Variants in EPC1 observed in about 807,000 individuals in gnomAD.
EPC1 encodes the protein enhancer of polycomb homolog 1.
A neutral mutation model predicts 98.4 loss-of-function variants in EPC1; 12 were observed. The ratio of observed to expected loss-of-function variants is 0.12; its 90% CI spans 0.08 to 0.20. EPC1 has a LOEUF of 0.20. EPC1 is among the 10% of genes least tolerant of loss of function. The pLI is 1.00. For missense variants in EPC1, 729 were observed against 990.5 expected, an observed-to-expected ratio of 0.74 and a Z score of 3.54; for synonymous variants, 357 against 363.9, an observed-to-expected ratio of 0.98 and a Z score of 0.21.
At chr10:32,350,273 G>A (rs1045646596), upstream of EPC1, among the ~76,000 whole-genome samples, 12 of 152,106 alleles carry the variant, frequency 7.9e-5, no homozygotes, top group African/African-American at 2.9e-4. Flanking sequence ...TCATTGTAGG[G>A]GATACAAATA....
At chr10:32,377,659 GGGA>G (rs1401371656) in intron 1 of EPC1, among the ~76,000 whole-genome samples, 2 of 152,038 alleles carry the variant, frequency 1.3e-5, no homozygotes, top group African/African-American at 4.8e-5. Flanking sequence ...AGAAAATAAA[GGGA>G]GAAGAGAATA....
chr10:32,346,391 T>TCGC (rs1838811181), intron 1 of EPC1: 1 of 182,620 alleles, frequency 5.5e-6, no homozygotes, highest in Non-Finnish European at 1.2e-5. Context: ...GGCTCCCGAC[T>TCGC]CGCCGCACCC....
At chr10:32,270,600 T>G (rs1197751910) in intron 13 of EPC1, among the ~76,000 whole-genome samples, 9 of 152,030 alleles carry the variant, frequency 5.9e-5, no homozygotes, top group Non-Finnish European at 5.9e-5. Context: ...CAAGGCAGGC[T>G]GACCACCTGA....
chr10:32,289,743 C>T (rs1836893082), intron 6 of EPC1, among the ~76,000 whole-genome samples: 1 of 151,888 alleles, frequency 6.6e-6, no homozygotes, highest in African/African-American at 2.4e-5. Context: ...CCTGCCTCAG[C>T]CTCTGAAGCA....
At chr10:32,367,198 C>T (rs969804379) in intron 1 of EPC1, among the ~76,000 whole-genome samples, 1 of 152,078 alleles carries the variant, frequency 6.6e-6, no homozygotes, top group Non-Finnish European at 1.5e-5. Context: ...GCCATGTTGG[C>T]CAGGCTGGTC....
intron 1 of EPC1, among the ~76,000 whole-genome samples, chr10:32,309,721 C>T (rs931559104): frequency 6.7e-6 from 1 of 148,482 alleles, no homozygotes; most frequent in African/African-American, 2.5e-5. Context: ...AGAAGAAGAA[C>T]AATGTAGCCT....
intron 1 of EPC1, among the ~76,000 whole-genome samples, chr10:32,357,195 T>C (rs1273802545): frequency 6.6e-6 from 1 of 152,162 alleles, no homozygotes; most frequent in Non-Finnish European, 1.5e-5. Context: ...CTTCCAGAGT[T>C]AAAGCTGTAG....
At chr10:32,348,475 T>G (rs755436451), upstream of EPC1, among the ~76,000 whole-genome samples, 1 of 152,224 alleles carries the variant, frequency 6.6e-6, no homozygotes, top group African/African-American at 2.4e-5. Flanking sequence ...GGGCTTGATA[T>G]GAGCTGTCAC....
rs1835672460 is a variant in EPC1, at chr10:32,268,144, T to A, written c.*919A>T. On this transcript the variant is annotated 3_prime_UTR_variant, in exon 14 of 14. Transcript: ENST00000319778. ...CAATTCGACAATAAAAAAGTACAATTTTTTTTGTGCTAAAAAAAGGGCAAG... is the reference window on the plus strand; with the variant it reads ...CAATTCGACAATAAAAAAGTACAATATTTTTTGTGCTAAAAAAAGGGCAAG... The A allele has an allele frequency of 6.6e-6, 1 of 152,158 alleles. No homozygotes were observed. Among genetic ancestry groups the A allele is most frequent in the Non-Finnish European group, 1.5e-5 (1 of 68,032 alleles). 9.4% of individuals were successfully genotyped at this position (152,158 alleles called of 1,614,324 possible).
chr10:32,306,781 C>T (rs1459053876), intron 1 of EPC1, among the ~76,000 whole-genome samples: 1 of 151,998 alleles, frequency 6.6e-6, no homozygotes, highest in Non-Finnish European at 1.5e-5. Flanking sequence ...TGTGATACTA[C>T]CAACTGCCAT....
At chr10:32,316,254 G>A (rs1323251581) in intron 1 of EPC1, among the ~76,000 whole-genome samples, 1 of 152,178 alleles carries the variant, frequency 6.6e-6, no homozygotes, top group African/African-American at 2.4e-5. Context: ...GGTTAGTGAG[G>A]AAAGGCCGAT....
chr10:32,308,760 G>A (rs771912094), intron 1 of EPC1, among the ~76,000 whole-genome samples: 11 of 152,076 alleles, frequency 7.2e-5, no homozygotes, highest in African/African-American at 1.4e-4. Context: ...ACTACCATAC[G>A]ATTCAGCAAT....
In EPC1 at chr10:32,309,315, T is replaced by G. The variant is rs1836061218; in HGVS notation, c.154-3384A>C. On this transcript the variant is annotated intron_variant, in intron 1 of 13. Coordinates refer to ENST00000319778, the MANE Select transcript of EPC1 (RefSeq NM_001272004.3). Reference sequence around the variant, plus strand: ...CCTAAGACAAAGAAATGATAAATGCTGAAGTGATGTATGTCCCCATCACCC... The same window carrying G: ...CCTAAGACAAAGAAATGATAAATGCGGAAGTGATGTATGTCCCCATCACCC... Among the ~76,000 whole-genome samples, 3 of 152,156 alleles carry G rather than the reference T, an allele frequency of 2.0e-5. No individual in the cohort carries two copies. The South Asian group carries it at 6.2e-4, about 31-fold the overall frequency.
At chr10:32,275,424 G>C (rs2132650930) in intron 10 of EPC1, among the ~76,000 whole-genome samples, 1 of 152,264 alleles carries the variant, frequency 6.6e-6, no homozygotes, top group Middle Eastern at 3.4e-3. Flanking sequence ...ACGAGGTCAG[G>C]AGTTCGAGAC....
At chr10:32,365,014 C>A (rs1371843746) in intron 1 of EPC1, among the ~76,000 whole-genome samples, 1 of 151,624 alleles carries the variant, frequency 6.6e-6, no homozygotes, top group African/African-American at 2.4e-5. Context: ...AGATTGGATA[C>A]CCCTGGTTTA....
At chr10:32,288,769 T>C (rs1836834626) in intron 6 of EPC1, among the ~76,000 whole-genome samples, 1 of 151,506 alleles carries the variant, frequency 6.6e-6, no homozygotes, top group Non-Finnish European at 1.5e-5. Context: ...CATGTAGGGC[T>C]CAGAGGGGGG....
At chr10:32,352,766 C>T (rs1382346174) in intron 1 of EPC1, among the ~76,000 whole-genome samples, 1 of 152,188 alleles carries the variant, frequency 6.6e-6, no homozygotes, top group East Asian at 1.9e-4. Context: ...TCTCAATTTT[C>T]GTGACAGCCC....
Position 32,346,939 on chromosome 10 carries a change from C to T in EPC1, c.-24G>A, listed in dbSNP as rs114480051. Reference sequence around the variant, plus strand: ...ATCTCAGGCGCAGCAGATACCTCTCCGCTCTGGGGAAACGGCCCCGGCCAG... The same window carrying T: ...ATCTCAGGCGCAGCAGATACCTCTCTGCTCTGGGGAAACGGCCCCGGCCAG... On this transcript the variant is annotated 5_prime_UTR_variant, in exon 1 of 14. Coordinates refer to ENST00000319778, the MANE Select transcript of EPC1 (RefSeq NM_001272004.3). The T allele has an allele frequency of 6.8e-4, 1,101 of 1,610,560 alleles. 6 individuals carry two copies. In the African/African-American group the frequency reaches 0.013, roughly 19 times the overall value.
chr10:32,333,162 G>A (rs972296506), intron 1 of EPC1, among the ~76,000 whole-genome samples: 3 of 152,108 alleles, frequency 2.0e-5, no homozygotes, highest in African/African-American at 4.8e-5. Context: ...CTAACATGGC[G>A]AAACCCCGTC....
Sources: allele counts gnomAD v4.1 joint callset (sites outside exome capture counted in the v4.1 genomes callset), GRCh38; gene constraint gnomAD v4.1.1; transcripts MANE v1.5; gene names NCBI Gene and HGNC (gene_info 2026-07-23, HGNC 2026-07-21).